The following BPIFA3 variants were observed in gnomAD, a reference collection of about 807,000 sequenced individuals.
BPIFA3 encodes the protein BPI fold-containing family A member 3.
A neutral mutation model predicts 29.7 loss-of-function variants in BPIFA3; 32 were observed. That is an observed-to-expected ratio of 1.08 (90% CI 0.81 to 1.45). The LOEUF is 1.45. BPIFA3 is among the 40% of genes most tolerant of loss of function. The pLI, the probability that BPIFA3 is intolerant of heterozygous loss-of-function variation, is 0.00. For synonymous variants in BPIFA3, 112 were observed against 113.7 expected (o/e 0.98, Z 0.10); for missense variants, 323 against 311.3 (o/e 1.04, Z -0.28).
At chr20:33,225,323 C>A in intron 4 of BPIFA3, 76 bp downstream of exon 4, 2 of 1,595,268 alleles carry the variant, frequency 1.3e-6, no homozygotes, top group Admixed American at 1.7e-5. Flanking sequence ...ACTTCCTGAC[C>A]GTCTCCTAAA....
chr20:33,217,737 G>C, intron 1 of BPIFA3, 74 bp downstream of exon 1: 2 of 1,517,802 alleles, frequency 1.3e-6, no homozygotes, highest in Non-Finnish European at 1.8e-6. Context: ...GGGCTCCACT[G>C]CTAACCCGCT....
intron 1 of BPIFA3, among the ~76,000 whole-genome samples, chr20:33,222,482 T>A (rs759418714): frequency 4.6e-5 from 7 of 152,074 alleles, no homozygotes; most frequent in Non-Finnish European, 1.0e-4. Flanking sequence ...TTTAAGGGAG[T>A]ACTTGAATAA....
chr20:33,225,588 A>C, intron 4 of BPIFA3: 3 of 236,180 alleles, frequency 1.3e-5, no homozygotes, highest in Non-Finnish European at 2.5e-5. Context: ...CCCCTCCTAC[A>C]CTCCATTCCT....
In BPIFA3 at chr20:33,225,005, G is replaced by A. The variant is rs1488589267; in HGVS notation, c.387-93G>A. On this transcript the variant is annotated intron_variant, in intron 3 of 6. Coordinates refer to ENST00000375454, the MANE Select transcript of BPIFA3 (RefSeq NM_178466.5). ...TCAGAGTGCCAGGGGAAGCCCTAAC[G>A]GTGGACAGTGCCCGTCTTTGCCAAT... The A allele has an allele frequency of 5.4e-5, 65 of 1,196,080 alleles. No individual in the cohort carries two copies. The East Asian group carries it at 1.1e-3, about 20-fold the overall frequency. The allele number at this position is 1,196,080 out of a possible 1,614,324, so 74.1% of individuals were successfully genotyped here.
intron 5 of BPIFA3, 39 bp downstream of exon 5, chr20:33,226,529 A>G (rs760318524): frequency 2.9e-6 from 4 of 1,395,452 alleles, no homozygotes; most frequent in Non-Finnish European, 4.0e-6. Context: ...AGCATCCTTG[A>G]GTCCGAGGGT....
intron 2 of BPIFA3, 30 bp downstream of exon 2, chr20:33,223,991 G>C: frequency 6.2e-7 from 1 of 1,610,716 alleles, no homozygotes; most frequent in Non-Finnish European, 8.5e-7. Context: ...CCGTGGCCCT[G>C]GAACTCTTTA....
chr20:33,226,072 G>A (rs1422460386), intron 4 of BPIFA3: 1 of 225,160 alleles, frequency 4.4e-6, no homozygotes, highest in Non-Finnish European at 8.5e-6. Context: ...AATGCTGAAA[G>A]CAATGAAGAC....
At chr20:33,225,391 A>G in intron 4 of BPIFA3, 144 bp downstream of exon 4, 1 of 1,180,652 alleles carries the variant, frequency 8.5e-7, no homozygotes, top group Non-Finnish European at 1.2e-6. Context: ...CCATGTTCCC[A>G]TCCGTGATGA....
In BPIFA3 at chr20:33,222,785, C is replaced by T. The variant is rs973761103; in HGVS notation, c.128-1026C>T. 6.6e-5 allele frequency among the ~76,000 whole-genome samples: 10 copies of T among 152,196 alleles called. No homozygotes were observed. In the East Asian group the frequency reaches 1.7e-3, roughly 26 times the overall value. ...TCCCAAGCACCACTATAATCATGAA[C>T]CAAGAACTACTAAGAGTTCTGGGCA... On this transcript the variant is annotated intron_variant, in intron 1 of 6. Transcript: ENST00000375454.
intron 2 of BPIFA3, 97 bp downstream of exon 2, chr20:33,224,058 T>G: frequency 6.9e-7 from 1 of 1,439,886 alleles, no homozygotes. Context: ...GCAAGGCCTG[T>G]GAAGAGGGAA....
chr20:33,223,479 C>T (rs1270298281), intron 1 of BPIFA3: 1 of 195,470 alleles, frequency 5.1e-6, no homozygotes, highest in Non-Finnish European at 1.0e-5. Flanking sequence ...ATTTTCTCTT[C>T]AACCAACATT....
At chr20:33,223,086 G>C (rs908042689) in intron 1 of BPIFA3, among the ~76,000 whole-genome samples, 2 of 152,192 alleles carry the variant, frequency 1.3e-5, no homozygotes. Flanking sequence ...ACACATTCTT[G>C]TTTGTAAGCG....
intron 1 of BPIFA3, among the ~76,000 whole-genome samples, chr20:33,220,002 A>G (rs1212817793): frequency 1.3e-5 from 2 of 151,770 alleles, no homozygotes; most frequent in African/African-American, 2.4e-5. Context: ...TGGGAGGCTG[A>G]GGTGGGAGGA....
chr20:33,227,188 C>T (rs972397239), intron 6 of BPIFA3, among the ~76,000 whole-genome samples, 195 bp downstream of exon 6: 2 of 152,176 alleles, frequency 1.3e-5, no homozygotes, highest in Admixed American at 6.5e-5. Context: ...GTACCCCTAC[C>T]AAGCAGGCTG....
At position 33,224,403 on chromosome 20, in the gene BPIFA3, A is replaced by G. The variant is rs767521252; in HGVS notation, c.327A>G (p.Ser109=). The change falls in exon 3 of 7, where the codon TCA becomes TCG. Residue 109 remains serine (S), a synonymous_variant. Transcript: ENST00000375454. The part of the protein sequence containing the change: ...IQLDCGGIQI[S]FHKEWFSANI... ...TGGACTGTGGTGGGATCCAGATATC[A>G]TTCCATAAGGAGTGGTTCTCGGCAA... 11 of 1,614,086 alleles carry G rather than the reference A, an allele frequency of 6.8e-6. No homozygotes were observed. Among genetic ancestry groups the G allele is most frequent in the South Asian group, 1.1e-5 (1 of 91,092 alleles).
Position 33,226,463 on chromosome 20 carries a change from A to T in BPIFA3, c.594A>T (p.Lys198Asn). ...FLYNLKENLQ[K>N]VLPHMVESQV... ...ACAACCTCAAAGAGAATCTGCAAAAAGTTCTCCCACACATGGTAGAAAGTC... is the reference window on the plus strand; with the variant it reads ...ACAACCTCAAAGAGAATCTGCAAAATGTTCTCCCACACATGGTAGAAAGTC... The change falls in exon 5 of 7, where the codon AAA (lysine) becomes AAT (asparagine). Residue 198 changes from lysine (K) to asparagine (N), a missense_variant. By Grantham distance (94) the Lys-to-Asn change is moderately conservative. Coordinates refer to ENST00000375454, the MANE Select transcript of BPIFA3 (RefSeq NM_178466.5). 1 of 1,610,142 alleles carries T rather than the reference A, an allele frequency of 6.2e-7. No individual in the cohort carries two copies. The highest frequency in any genetic ancestry group is 8.5e-7 in the Non-Finnish European group (1 of 1,178,670).
intron 1 of BPIFA3, among the ~76,000 whole-genome samples, chr20:33,218,912 CT>C (rs1985386495): frequency 2.0e-5 from 3 of 151,744 alleles, no homozygotes; most frequent in Admixed American, 2.0e-4. Flanking sequence ...ACCATTTTGA[CT>C]TTTTTTCTTG....
intron 1 of BPIFA3, among the ~76,000 whole-genome samples, chr20:33,218,211 T>G (rs1985351164): frequency 6.6e-6 from 1 of 152,222 alleles, no homozygotes; most frequent in Non-Finnish European, 1.5e-5. Context: ...TAAACTACAC[T>G]GAGATGAACC....
chr20:33,218,798 CT>C (rs879709475), intron 1 of BPIFA3, among the ~76,000 whole-genome samples: 210 of 145,938 alleles, frequency 1.4e-3, no homozygotes, highest in Middle Eastern at 3.5e-3. Flanking sequence ...TATTTTTCTA[CT>C]TTTTTTTTTT....
Sources: gnomAD v4.1 joint callset for allele counts (sites outside exome capture counted in the v4.1 genomes callset) on GRCh38, gnomAD v4.1.1 for gene constraint, MANE v1.5 for transcripts, NCBI Gene and HGNC (gene_info 2026-07-23, HGNC 2026-07-21) for gene names.